Variants in ARID4A observed in about 807,000 individuals in gnomAD.
ARID4A encodes AT-rich interactive domain-containing protein 4A.
In ARID4A, 39 loss-of-function variants were observed where a neutral mutation model predicts 148.6. The observed-to-expected ratio is 0.26, with a 90% CI of 0.20 to 0.34. ARID4A has a LOEUF of 0.34. Among genes scored for constraint, ARID4A ranks in the 10% least tolerant of loss-of-function variants. The probability of loss-of-function intolerance (pLI) is 1.00; values close to 1 mark genes in which losing one functional copy is unlikely to be tolerated. For missense variants in ARID4A, 1,265 were observed against 1,449.1 expected, an observed-to-expected ratio of 0.87 and a Z score of 2.06; for synonymous variants, 475 against 481.2, an observed-to-expected ratio of 0.99 and a Z score of 0.17.
chr14:58,336,135 C>T (rs951775542), intron 11 of ARID4A, among the ~76,000 whole-genome samples: 3 of 151,844 alleles, frequency 2.0e-5, no homozygotes, highest in African/African-American at 2.4e-5. Flanking sequence ...TAAAGCATAT[C>T]GCGTAATACT....
chr14:58,351,921 G>A (rs762648246), intron 16 of ARID4A, among the ~76,000 whole-genome samples: 2 of 152,042 alleles, frequency 1.3e-5, no homozygotes, highest in Non-Finnish European at 2.9e-5. Flanking sequence ...GACAAGTATG[G>A]ACTGAACTGA....
Position 58,360,979 on chromosome 14 carries a change from TC to T in ARID4A, c.2018del (p.Ser673Ter). 6.2e-7 allele frequency: 1 copy of T among 1,614,078 alleles called. No homozygotes were observed. The highest frequency in any genetic ancestry group is 8.5e-7 in the Non-Finnish European group (1 of 1,180,012). On this transcript the variant is annotated frameshift_variant, in exon 19 of 24. Transcript: ENST00000355431. LOFTEE classifies it high-confidence loss of function. Reference protein sequence around the residue: ...KSKRGRPPLKSTLSSNMPYGL... With the variant: ...KSKRGRPPLKXTLSSNMPYGL... ...AAAACGGGGACGACCTCCTTTAAAA[TC>T]AACCCTCTCATCAAACATGCCGTAT...
chr14:58,313,189 TGATA>T (rs971635785), intron 5 of ARID4A, among the ~76,000 whole-genome samples: 12 of 152,194 alleles, frequency 7.9e-5, no homozygotes, highest in South Asian at 2.1e-4. Flanking sequence ...TATAGATAGA[TGATA>T]GATAGACAGA....
At chr14:58,365,467 C>CTTTTTTTTTTTTTTTTTTTTT in intron 20 of ARID4A, 51 bp from the exon 21 acceptor site, 17 of 349,158 alleles carry the variant, frequency 4.9e-5, no homozygotes, top group East Asian at 1.7e-4. Flanking sequence ...TATACTTGCT[C>CTTTTTTTTTTTTTTTTTTTTT]TTTTTTTTTT....
At chr14:58,359,363 T>G (rs572097179) in intron 18 of ARID4A, 147 bp downstream of exon 18, 9 of 661,122 alleles carry the variant, frequency 1.4e-5, no homozygotes, top group Non-Finnish European at 2.2e-5. Flanking sequence ...CTCTGCCCCA[T>G]GCATGCATAG....
At chr14:58,332,520 T>C (rs2033588046) in intron 11 of ARID4A, among the ~76,000 whole-genome samples, 1 of 152,184 alleles carries the variant, frequency 6.6e-6, no homozygotes, top group Non-Finnish European at 1.5e-5. Context: ...TTCTTGCTCT[T>C]GGGTTTAAGA....
At chr14:58,333,870 T>G (rs1174813524) in intron 11 of ARID4A, among the ~76,000 whole-genome samples, 1 of 152,170 alleles carries the variant, frequency 6.6e-6, no homozygotes, top group Non-Finnish European at 1.5e-5. Flanking sequence ...ATTTTAAATG[T>G]AATGTTAATA....
At position 58,352,664 on chromosome 14, in the gene ARID4A, A is replaced by G. The variant is rs74055628; in HGVS notation, c.1656-994A>G. On this transcript the variant is annotated intron_variant, in intron 16 of 23. Transcript: ENST00000355431. ...CCTTCCAAGAGAAAACATTCTCACT[A>G]CAAATGGGCTGTCAAAGCTTCATGT... Among the ~76,000 whole-genome samples, 1,017 of 152,206 alleles carry G rather than the reference A, an allele frequency of 6.7e-3. 9 individuals are homozygous for G. Among genetic ancestry groups the G allele is most frequent in the African/African-American group, 0.024 (986 of 41,522 alleles).
chr14:58,356,857 A>G (rs1430770311), intron 17 of ARID4A, among the ~76,000 whole-genome samples: 3 of 152,062 alleles, frequency 2.0e-5, no homozygotes, highest in African/African-American at 7.2e-5. Context: ...GCACGCCACC[A>G]TGCCCAGCTA....
intron 11 of ARID4A, among the ~76,000 whole-genome samples, chr14:58,342,098 C>T (rs1190836680): frequency 6.6e-6 from 1 of 152,196 alleles, no homozygotes; most frequent in Non-Finnish European, 1.5e-5. Flanking sequence ...TGGAGGCGTT[C>T]TCTAGCATAT....
At chr14:58,324,556 C>G (rs2033112080) in intron 8 of ARID4A, among the ~76,000 whole-genome samples, 1 of 152,186 alleles carries the variant, frequency 6.6e-6, no homozygotes, top group Non-Finnish European at 1.5e-5. Context: ...GCCGGGATTA[C>G]AGGTATGAGC....
intron 8 of ARID4A, among the ~76,000 whole-genome samples, chr14:58,324,574 C>A (rs1041879086): frequency 6.6e-6 from 1 of 152,206 alleles, no homozygotes; most frequent in Non-Finnish European, 1.5e-5. Context: ...AGCTGGTATG[C>A]CTGGCTGAGA....
chr14:58,325,689 C>A (rs932231473), intron 8 of ARID4A, among the ~76,000 whole-genome samples: 3 of 152,062 alleles, frequency 2.0e-5, no homozygotes, highest in Non-Finnish European at 4.4e-5. Context: ...CTGTAAAGAG[C>A]TGAAAGTATA....
intron 18 of ARID4A, 90 bp from the exon 19 acceptor site, chr14:58,360,811 T>G: frequency 7.3e-7 from 1 of 1,366,650 alleles, no homozygotes; most frequent in Non-Finnish European, 1.0e-6. Context: ...TATCAAACCT[T>G]TTTTGAGATG....
chr14:58,354,414 G>A (rs919086178), intron 17 of ARID4A, among the ~76,000 whole-genome samples: 2 of 152,160 alleles, frequency 1.3e-5, no homozygotes, highest in Non-Finnish European at 2.9e-5. Context: ...AGGGCATGGG[G>A]GCTCTTGCAT....
At chr14:58,308,749 T>C (rs556947218) in intron 5 of ARID4A, among the ~76,000 whole-genome samples, 1 of 152,366 alleles carries the variant, frequency 6.6e-6, no homozygotes, top group Non-Finnish European at 1.5e-5. Context: ...AATTGCTCTT[T>C]TCTGGAATTT....
chr14:58,309,274 C>T (rs79023949), intron 5 of ARID4A, among the ~76,000 whole-genome samples: 191 of 152,324 alleles, frequency 1.3e-3, no homozygotes, highest in African/African-American at 4.4e-3. Flanking sequence ...AGCCACTGCT[C>T]TCAGCTTCCC....
intron 8 of ARID4A, among the ~76,000 whole-genome samples, chr14:58,327,938 G>A (rs2033307877): frequency 6.6e-6 from 1 of 152,258 alleles, no homozygotes; most frequent in East Asian, 1.9e-4. Context: ...CTCCCAAAAT[G>A]CTGGGATTAC....
At chr14:58,301,076 A>G (rs1445720567) in intron 2 of ARID4A, among the ~76,000 whole-genome samples, 1 of 152,232 alleles carries the variant, frequency 6.6e-6, no homozygotes, top group African/African-American at 2.4e-5. Flanking sequence ...TTTCAAGTGC[A>G]GCTTTTAGCA....
Sources: allele counts gnomAD v4.1 joint callset (sites outside exome capture counted in the v4.1 genomes callset), GRCh38; gene constraint gnomAD v4.1.1; transcripts MANE v1.5; gene names NCBI Gene and HGNC (gene_info 2026-07-23, HGNC 2026-07-21).